GPC6: variants seen among roughly 807,000 people sequenced by gnomAD.
The protein encoded by GPC6 is glypican 6.
GPC6 carries 14 observed loss-of-function variants against 55.2 expected under a neutral mutation model. The ratio of observed to expected loss-of-function variants is 0.25; its 90% CI spans 0.17 to 0.40. GPC6 has a LOEUF of 0.40. Ranked by LOEUF, GPC6 falls within the 10% of genes least tolerant of loss-of-function variation. The pLI, the probability that GPC6 is intolerant of heterozygous loss-of-function variation, is 1.00. For synonymous variants in GPC6, 278 were observed against 259.6 expected (o/e 1.07, Z -0.68); for missense variants, 641 against 708.5 (o/e 0.90, Z 1.08).
intron 4 of GPC6, among the ~76,000 whole-genome samples, chr13:94,283,003 A>G (rs927753028): frequency 2.6e-5 from 4 of 152,204 alleles, no homozygotes; most frequent in African/African-American, 9.6e-5. Context: ...TGTATCTCTC[A>G]CTAATGAACT....
chr13:93,878,328 G>T (rs1468012109), intron 3 of GPC6, among the ~76,000 whole-genome samples: 1 of 152,050 alleles, frequency 6.6e-6, no homozygotes, highest in Non-Finnish European at 1.5e-5. Flanking sequence ...TTCAGTCCCT[G>T]TAGGTCTTCT....
chr13:93,915,450 T>G (rs966984685), intron 3 of GPC6, among the ~76,000 whole-genome samples: 1 of 152,160 alleles, frequency 6.6e-6, no homozygotes. Context: ...CCCTGTGCCA[T>G]TTACCAAAAC....
chr13:94,385,937 A>C (rs1880382771), intron 7 of GPC6, among the ~76,000 whole-genome samples: 1 of 152,236 alleles, frequency 6.6e-6, no homozygotes, highest in Non-Finnish European at 1.5e-5. Flanking sequence ...AAGAAAAAGA[A>C]AGAAAAGTTA....
intron 4 of GPC6, among the ~76,000 whole-genome samples, chr13:94,041,865 A>C (rs930065571): frequency 6.6e-6 from 1 of 151,916 alleles, no homozygotes; most frequent in Non-Finnish European, 1.5e-5. Context: ...CTTACAAAAA[A>C]GTTGCAAAAG....
At chr13:94,052,059 C>A (rs1883967111) in intron 4 of GPC6, among the ~76,000 whole-genome samples, 1 of 151,972 alleles carries the variant, frequency 6.6e-6, no homozygotes, top group South Asian at 2.1e-4. Flanking sequence ...CACAGAGTTC[C>A]CAGTCTGGTG....
At chr13:93,488,280 C>T (rs1316076570) in intron 1 of GPC6, among the ~76,000 whole-genome samples, 2 of 152,130 alleles carry the variant, frequency 1.3e-5, no homozygotes, top group Admixed American at 6.6e-5. Flanking sequence ...TCATCCATGT[C>T]CCTACAAAGG....
chr13:93,712,883 G>A (rs897892746), intron 2 of GPC6, among the ~76,000 whole-genome samples: 1 of 151,310 alleles, frequency 6.6e-6, no homozygotes, highest in African/African-American at 2.4e-5. Context: ...TATTTCAGAA[G>A]ATAATAGCGT....
At chr13:94,358,294 AAAAAAAAGAAAAAGG>A (rs1187165057) in intron 6 of GPC6, among the ~76,000 whole-genome samples, 62 of 152,082 alleles carry the variant, frequency 4.1e-4, no homozygotes, top group East Asian at 3.9e-3. Context: ...GTCAAAAAAA[AAAAAAAAGAAAAAGG>A]AAAAAAAGAA....
intron 1 of GPC6, among the ~76,000 whole-genome samples, chr13:93,322,585 C>T (rs1260019936): frequency 4.6e-5 from 7 of 151,134 alleles, no homozygotes; most frequent in Non-Finnish European, 4.4e-5. Context: ...TACAGGTGCC[C>T]GCCACCATGC....
chr13:93,268,532 AAG>A, intron 1 of GPC6, among the ~76,000 whole-genome samples: 1 of 152,234 alleles, frequency 6.6e-6, no homozygotes, highest in East Asian at 1.9e-4. Context: ...TGAAGTGTGG[AAG>A]AGAGTCGATG....
intron 1 of GPC6, among the ~76,000 whole-genome samples, chr13:93,260,632 C>T (rs1343556322): frequency 1.3e-5 from 2 of 152,168 alleles, no homozygotes; most frequent in East Asian, 3.9e-4. Context: ...ACAGGACACA[C>T]TGCCGAAGCA....
intron 1 of GPC6, among the ~76,000 whole-genome samples, chr13:93,246,489 AAATAAT>A (rs1187166637): frequency 6.6e-6 from 1 of 152,100 alleles, no homozygotes; most frequent in East Asian, 1.9e-4. Context: ...GTGTTCTAAA[AAATAAT>A]AATAATAAAT....
chr13:94,278,616 A>G (rs903601847), intron 4 of GPC6, among the ~76,000 whole-genome samples: 2 of 152,182 alleles, frequency 1.3e-5, no homozygotes, highest in South Asian at 2.1e-4. Flanking sequence ...TTCCATCAAT[A>G]CCTAGCTTAT....
At chr13:94,105,518 A>C (rs1296444556) in intron 4 of GPC6, among the ~76,000 whole-genome samples, 1 of 152,214 alleles carries the variant, frequency 6.6e-6, no homozygotes, top group Non-Finnish European at 1.5e-5. Flanking sequence ...GAGAGAAGTC[A>C]AAGCCAAAAA....
chr13:94,266,180 G>GT (rs1406776781), intron 4 of GPC6, among the ~76,000 whole-genome samples: 1 of 133,172 alleles, frequency 7.5e-6, no homozygotes, highest in African/African-American at 2.8e-5. Flanking sequence ...TTGTTTGTTT[G>GT]TTTTTTGAGA....
At chr13:93,530,536 G>A (rs547689661) in intron 1 of GPC6, among the ~76,000 whole-genome samples, 1 of 152,194 alleles carries the variant, frequency 6.6e-6, no homozygotes, top group South Asian at 2.1e-4. Flanking sequence ...AGTGAAAGAA[G>A]GAGCCAATCA....
intron 3 of GPC6, among the ~76,000 whole-genome samples, chr13:93,962,043 C>T (rs974009806): frequency 6.6e-6 from 1 of 152,064 alleles, no homozygotes; most frequent in East Asian, 1.9e-4. Flanking sequence ...CCATTCAGGT[C>T]GATATTATCA....
chr13:94,355,427 C>CA (rs1394561206), intron 6 of GPC6, among the ~76,000 whole-genome samples: 1 of 152,142 alleles, frequency 6.6e-6, no homozygotes, highest in East Asian at 1.9e-4. Flanking sequence ...CTTTTATTTT[C>CA]ATGCATGCAC....
At chr13:93,292,424 G>T (rs2139081829) in intron 1 of GPC6, among the ~76,000 whole-genome samples, 1 of 151,922 alleles carries the variant, frequency 6.6e-6, no homozygotes, top group East Asian at 1.9e-4. Context: ...GAAATGAAAA[G>T]GTAAAATAAT....
Sources: allele counts gnomAD v4.1 joint callset (sites outside exome capture counted in the v4.1 genomes callset), GRCh38; gene constraint gnomAD v4.1.1; transcripts MANE v1.5; gene names NCBI Gene and HGNC (gene_info 2026-07-23, HGNC 2026-07-21).